The following RYR2 variants were observed in gnomAD, a reference collection of about 807,000 sequenced individuals.
RYR2 encodes ryanodine receptor 2, also known as cardiac muscle ryanodine receptor-calcium release channel.
Under a neutral mutation model 601.1 loss-of-function variants are expected in RYR2, and 227 were observed. The ratio of observed to expected loss-of-function variants is 0.38; its 90% CI spans 0.34 to 0.42. The LOEUF is 0.42. RYR2 is among the 10% of genes least tolerant of loss of function. The pLI is 1.00. For missense variants in RYR2, 4,646 were observed against 6,156.5 expected (o/e 0.75, Z 8.21); for synonymous variants, 2,223 against 2,175.1 (o/e 1.02, Z -0.61).
intron 1 of RYR2, among the ~76,000 whole-genome samples, chr1:237,061,152 T>C (rs193052481): frequency 6.6e-6 from 1 of 152,374 alleles, no homozygotes; most frequent in East Asian, 1.9e-4. Flanking sequence ...CATTTGGATA[T>C]ACTGTATTCT....
At chr1:237,413,595 C>T (rs1217554089) in intron 10 of RYR2, among the ~76,000 whole-genome samples, 1 of 151,912 alleles carries the variant, frequency 6.6e-6, no homozygotes, top group Admixed American at 6.6e-5. Flanking sequence ...GTAATTGTTC[C>T]TCTAACGTAA....
intron 71 of RYR2, among the ~76,000 whole-genome samples, chr1:237,715,929 G>C (rs1395401466): frequency 6.6e-6 from 1 of 152,018 alleles, no homozygotes; most frequent in Admixed American, 6.6e-5. Flanking sequence ...TAATGAATGA[G>C]TCAATTTAAC....
chr1:237,705,577 GCAGGCCCCTTGGA>G (rs1688300405), intron 67 of RYR2, among the ~76,000 whole-genome samples: 1 of 152,126 alleles, frequency 6.6e-6, no homozygotes, highest in Non-Finnish European at 1.5e-5. Context: ...AGGTGACTGA[GCAGGCCCCTTGGA>G]CAGCGTGTAT....
intron 3 of RYR2, among the ~76,000 whole-genome samples, chr1:237,346,945 A>G (rs1208620620): frequency 6.6e-6 from 1 of 152,154 alleles, no homozygotes; most frequent in African/African-American, 2.4e-5. Context: ...TTTTAAAAGT[A>G]CCTGGTCTGC....
At chr1:237,432,097 G>A (rs1347819685) in intron 12 of RYR2, among the ~76,000 whole-genome samples, 2 of 142,872 alleles carry the variant, frequency 1.4e-5, no homozygotes, top group Non-Finnish European at 3.0e-5. Context: ...TTAGCAAATG[G>A]TCTTTTTTTT....
At chr1:237,496,873 G>A (rs1443742728) in intron 20 of RYR2, 121 bp downstream of exon 20, 1 of 1,185,722 alleles carries the variant, frequency 8.4e-7, no homozygotes, top group African/African-American at 1.5e-5. Context: ...CAGAAATTTA[G>A]CATTGAGATG....
chr1:237,233,900 C>T (rs1346536733), intron 1 of RYR2, among the ~76,000 whole-genome samples: 1 of 151,970 alleles, frequency 6.6e-6, no homozygotes, highest in Non-Finnish European at 1.5e-5. Flanking sequence ...CCATGTTGCC[C>T]AGGCTGGTCT....
At chr1:237,638,319 G>T (rs2148723256) in intron 44 of RYR2, 38 bp from the exon 45 acceptor site, 2 of 1,613,078 alleles carry the variant, frequency 1.2e-6, no homozygotes, top group Middle Eastern at 1.7e-4. Context: ...TGAGTTTTCA[G>T]CCAAGGGATA....
In RYR2 at chr1:237,079,803, A is replaced by C. The variant is rs1361156807; in HGVS notation, c.48+37234A>C. 9.9e-5 allele frequency among the ~76,000 whole-genome samples: 14 copies of C among 140,862 alleles called. No individual in the cohort carries two copies. The South Asian group carries it at 3.0e-3, about 30-fold the overall frequency. The allele number at this position is 140,862 out of a possible 152,430, so 92.4% of individuals were successfully genotyped here. A position where few individuals can be genotyped will look rare whatever the true frequency, so the allele number is the denominator to read the frequency against. On this transcript the variant is annotated intron_variant, in intron 1 of 104. Coordinates refer to ENST00000366574, the MANE Select transcript of RYR2 (RefSeq NM_001035.3). ...CTTTAAAGTTCACATGGAACCAAAAAAGAGCCCGCATTGCCAAGTCAATCC... is the reference window on the plus strand; with the variant it reads ...CTTTAAAGTTCACATGGAACCAAAACAGAGCCCGCATTGCCAAGTCAATCC...
chr1:237,814,644 G>A (rs911757743), intron 100 of RYR2, among the ~76,000 whole-genome samples: 5 of 151,724 alleles, frequency 3.3e-5, no homozygotes, highest in Admixed American at 1.3e-4. Context: ...TCCTCTACAA[G>A]AATGTAGGAG....
At position 237,808,361 on chromosome 1, in the gene RYR2, CT is replaced by C. The variant is rs201796853; in HGVS notation, c.14299-539del. 8.2e-3 allele frequency among the ~76,000 whole-genome samples: 1,239 copies of C among 151,990 alleles called. 10 individuals are homozygous for C. Among genetic ancestry groups the C allele is most frequent in the African/African-American group, 0.028 (1,182 of 41,474 alleles). On this transcript the variant is annotated intron_variant, in intron 99 of 104. Transcript: ENST00000366574. ...GGAATGTAATTTATAGAAAATAGCC[CT>C]CATAAAATGAAGAAAGGGCCGGGCA... is the stretch of plus-strand genomic sequence containing the variant.
At chr1:237,074,142 C>T (rs933115638) in intron 1 of RYR2, among the ~76,000 whole-genome samples, 1 of 151,732 alleles carries the variant, frequency 6.6e-6, no homozygotes, top group Non-Finnish European at 1.5e-5. Flanking sequence ...CATAGTGAGA[C>T]CCCATCTCTA....
intron 71 of RYR2, among the ~76,000 whole-genome samples, chr1:237,713,178 T>C (rs1169218748): frequency 1.3e-5 from 2 of 152,156 alleles, no homozygotes; most frequent in Non-Finnish European, 2.9e-5. Flanking sequence ...TTTTCCCTCT[T>C]TTCCATCAGT....
intron 38 of RYR2, among the ~76,000 whole-genome samples, chr1:237,618,713 C>T (rs1678758933): frequency 6.6e-6 from 1 of 152,138 alleles, no homozygotes; most frequent in Non-Finnish European, 1.5e-5. Flanking sequence ...TGTTCCCCAC[C>T]CACACTGGGC....
chr1:237,257,945 C>T (rs560730170), intron 1 of RYR2, among the ~76,000 whole-genome samples: 223 of 152,068 alleles, frequency 1.5e-3, no homozygotes, highest in African/African-American at 5.3e-3. Context: ...GGGCAGATCA[C>T]CTGAGGTCAA....
At chr1:237,687,344 T>G in intron 62 of RYR2, 111 bp from the exon 63 acceptor site, 2 of 667,814 alleles carry the variant, frequency 3.0e-6, no homozygotes, top group South Asian at 1.8e-5. Context: ...ATATCAGCTG[T>G]TTTTTTTTCT....
intron 1 of RYR2, among the ~76,000 whole-genome samples, chr1:237,136,528 T>G (rs1283679434): frequency 6.6e-6 from 1 of 152,178 alleles, no homozygotes; most frequent in Non-Finnish European, 1.5e-5. Context: ...CCAGCAGGAC[T>G]CAGACAGGCC....
intron 13 of RYR2, among the ~76,000 whole-genome samples, chr1:237,444,442 T>C (rs1708160938): frequency 6.6e-6 from 1 of 152,216 alleles, no homozygotes; most frequent in Non-Finnish European, 1.5e-5. Flanking sequence ...TTTACATTGC[T>C]TTCTAGATAA....
intron 38 of RYR2, among the ~76,000 whole-genome samples, chr1:237,621,307 C>T (rs192923566): frequency 6.6e-6 from 1 of 151,998 alleles, no homozygotes; most frequent in Admixed American, 6.6e-5. Flanking sequence ...ATTTAAAAAG[C>T]GGAAACCACT....
Sources: gnomAD v4.1 joint callset for allele counts (sites outside exome capture counted in the v4.1 genomes callset) on GRCh38, gnomAD v4.1.1 for gene constraint, MANE v1.5 for transcripts, NCBI Gene and HGNC (gene_info 2026-07-23, HGNC 2026-07-21) for gene names.